Variants in MMP27 observed in about 807,000 individuals in gnomAD.
The protein encoded by MMP27 is matrix metalloproteinase-27.
Under a neutral mutation model 48.1 loss-of-function variants are expected in MMP27, and 51 were observed. The ratio of observed to expected loss-of-function variants is 1.06; its 90% confidence interval spans 0.85 to 1.34. The LOEUF (loss-of-function observed/expected upper bound fraction) is 1.34. MMP27 is among the 40% of genes most tolerant of loss of function. The probability of loss-of-function intolerance (pLI) is 0.00; values close to 1 mark genes in which losing one functional copy is unlikely to be tolerated. For synonymous variants in MMP27, 229 were observed against 208.9 expected (o/e 1.10, Z -0.83); for missense variants, 698 against 619.3 (o/e 1.13, Z -1.35).
In MMP27 at chr11:102,695,362, C is replaced by T. The variant is rs536952422; in HGVS notation, c.903-265G>A. 4.6e-5 allele frequency among the ~76,000 whole-genome samples: 7 copies of T among 152,260 alleles called. No individual in the cohort carries two copies. In the South Asian group the frequency reaches 8.3e-4, roughly 18 times the overall value. On this transcript the variant is annotated intron_variant, in intron 6 of 9. Transcript: ENST00000260229. ...GAAATCTTATTCTGAGTTCTGAGTG[C>T]TCAATGGTTTTGTTTTTGCCAAAGC...
At chr11:102,702,944 G>C in intron 3 of MMP27, 26 bp downstream of exon 3, 1 of 1,612,342 alleles carries the variant, frequency 6.2e-7, no homozygotes, top group Non-Finnish European at 8.5e-7. Flanking sequence ...GATAAAAATA[G>C]CTTTGCTCTC....
At chr11:102,702,643 T>A in intron 4 of MMP27, 110 bp downstream of exon 4, 1 of 1,264,620 alleles carries the variant, frequency 7.9e-7, no homozygotes, top group Non-Finnish European at 1.1e-6. Context: ...TATGGAAAAT[T>A]GTGGGGACAT....
intron 7 of MMP27, among the ~76,000 whole-genome samples, chr11:102,694,730 A>G (rs759188867): frequency 2.0e-5 from 3 of 152,066 alleles, no homozygotes; most frequent in Non-Finnish European, 4.4e-5. Flanking sequence ...AGAAAAAGAG[A>G]CTTTTTTAGT....
At position 102,693,890 on chromosome 11, in the gene MMP27, T is replaced by A; in HGVS notation, c.1193+16A>T. 1 of 1,562,830 alleles carries A rather than the reference T, an allele frequency of 6.4e-7. No homozygotes were observed. Among genetic ancestry groups the A allele is most frequent in the Non-Finnish European group, 8.6e-7 (1 of 1,157,520 alleles). On this transcript the variant is annotated intron_variant, in intron 8 of 9. Coordinates refer to ENST00000260229, the MANE Select transcript of MMP27 (RefSeq NM_022122.3). ...TCTCCATAATAAAACAAAGTGTCAA[T>A]TGTCTGTAAACTTACCTCCAGCACC...
Position 102,691,915 on chromosome 11 carries a change from A to C in MMP27, c.1393T>G (p.Cys465Gly), listed in dbSNP as rs768748088. 6.2e-7 allele frequency: 1 copy of C among 1,613,458 alleles called. No individual in the cohort carries two copies. The highest frequency in any genetic ancestry group is 8.5e-7 in the Non-Finnish European group (1 of 1,179,782). ...RIMRTNTWFQ[C>G]KEPKNSSFGF... ...AATGAGGAGTTCTTTGGTTCTTTGC[A>C]TTGAAACCAAGTATTAGTTCTCATG... is the stretch of plus-strand genomic sequence containing the variant. Residue 465 changes from cysteine (C) to glycine (G), a missense_variant, in exon 10 of 10, where the codon TGC (cysteine) becomes GGC (glycine). Cys to Gly is a radical substitution (Grantham distance 159). Coordinates refer to ENST00000260229, the MANE Select transcript of MMP27 (RefSeq NM_022122.3).
intron 2 of MMP27, 86 bp from the exon 3 acceptor site, chr11:102,703,204 T>C: frequency 7.8e-7 from 1 of 1,274,224 alleles, no homozygotes; most frequent in East Asian, 2.5e-5. Context: ...TTCTAGCTTA[T>C]CAATAATGTG....
chr11:102,691,716 G>T lies in MMP27; in HGVS notation c.*50C>A. On this transcript the variant is annotated 3_prime_UTR_variant, in exon 10 of 10. Transcript: ENST00000260229. ...AAGAATGGTTTTATTCTATTTTGAA[G>T]CAGAATTTATATTAAAAGACCTGTT... is the stretch of plus-strand genomic sequence containing the variant. The T allele has an allele frequency of 7.0e-7, 1 of 1,431,254 alleles. No individual in the cohort carries two copies. The allele number at this position is 1,431,254 out of a possible 1,614,324, so 88.7% of individuals were successfully genotyped here.
Position 102,691,875 on chromosome 11 carries a change from TTGA to T in MMP27, c.1430_1432del (p.Ile477del). On this transcript the variant is annotated inframe_deletion, in exon 10 of 10. Transcript: ENST00000260229. ...GCCTCCTGAATGTGCTTTTTCCTTG[TTGA>T]TATCAAAACCAAATGAGGAGTTCTT... The T allele has an allele frequency of 6.2e-7, 1 of 1,613,644 alleles. No individual in the cohort carries two copies. Among genetic ancestry groups the T allele is most frequent in the Non-Finnish European group, 8.5e-7 (1 of 1,179,778 alleles).
Position 102,691,780 on chromosome 11 carries a change from A to C in MMP27, c.1528T>G (p.Ser510Ala), listed in dbSNP as rs1374531869. Residue 510 changes from serine (S) to alanine (A), a missense_variant, in exon 10 of 10, where the codon TCT (serine) becomes GCT (alanine). Ser to Ala is a moderately conservative substitution (Grantham distance 99). Transcript: ENST00000260229. ...GGTCTATGAATTTATTGATAAATAG[A>C]AGTGTTTTTCAGCAAATGAACAATA... ...FGIVHLLKNTSIYQ is the reference protein window; with the variant it reads ...FGIVHLLKNTAIYQ 6.3e-7 allele frequency: 1 copy of C among 1,592,184 alleles called. No individual in the cohort carries two copies. Among genetic ancestry groups the C allele is most frequent in the African/African-American group, 1.3e-5 (1 of 74,246 alleles).
intron 8 of MMP27, among the ~76,000 whole-genome samples, chr11:102,693,509 G>A (rs1009401397): frequency 1.3e-5 from 2 of 152,212 alleles, no homozygotes; most frequent in South Asian, 2.1e-4. Context: ...TGGGCTGGGC[G>A]TGGCGACTCA....
At chr11:102,696,281 C>T in intron 6 of MMP27, 90 bp downstream of exon 6, 1 of 1,382,544 alleles carries the variant, frequency 7.2e-7, no homozygotes, top group Non-Finnish European at 1.0e-6. Context: ...CACACATTTT[C>T]ACTAGCCCCA....
At chr11:102,692,705 G>A (rs759282536) in intron 9 of MMP27, among the ~76,000 whole-genome samples, 1 of 152,304 alleles carries the variant, frequency 6.6e-6, no homozygotes, top group Middle Eastern at 3.4e-3. Flanking sequence ...TCAATGATGA[G>A]TAAAATGGAT....
intron 7 of MMP27, 56 bp downstream of exon 7, chr11:102,694,911 C>T: frequency 6.3e-7 from 1 of 1,598,294 alleles, no homozygotes; most frequent in African/African-American, 1.3e-5. Flanking sequence ...CCAAAATATC[C>T]ACTGGTTAGT....
intron 4 of MMP27, among the ~76,000 whole-genome samples, chr11:102,701,965 A>T (rs1860948393): frequency 6.6e-6 from 1 of 152,236 alleles, no homozygotes. Context: ...TGGAAGCTAG[A>T]CACCAGACCC....
At chr11:102,697,906 T>A (rs1860861129) in intron 4 of MMP27, among the ~76,000 whole-genome samples, 1 of 152,120 alleles carries the variant, frequency 6.6e-6, no homozygotes, top group Non-Finnish European at 1.5e-5. Context: ...TTGATCAGGG[T>A]CATCCGTATT....
chr11:102,692,009 T>A lies in MMP27; in HGVS notation c.1299A>T (p.Gly433=), dbSNP rs1291121329. ...TTGATCCACGGCTGAAAAAGAAGAATCCTAGAGACAGGGAATCAGGATTAG... is the reference window on the plus strand; with the variant it reads ...TTGATCCACGGCTGAAAAAGAAGAAACCTAGAGACAGGGAATCAGGATTAG... ...IRVDAAFQYK[G]FFFFSRGSKQ... Residue 433 remains glycine, a splice_region_variant and synonymous_variant, in exon 10 of 10, where the codon GGA becomes GGT. Coordinates refer to ENST00000260229, the MANE Select transcript of MMP27 (RefSeq NM_022122.3). The A allele has an allele frequency of 1.9e-6, 3 of 1,593,312 alleles. No homozygotes were observed. In the Admixed American group the frequency reaches 5.2e-5, roughly 28 times the overall value.
chr11:102,695,148 G>A (rs1565425938), intron 6 of MMP27, 51 bp from the exon 7 acceptor site: 1 of 1,582,364 alleles, frequency 6.3e-7, no homozygotes, highest in South Asian at 1.1e-5. Context: ...CCATGTCAAT[G>A]AGAATTTTGT....
rs137969926 is a variant in MMP27, at chr11:102,693,458, A to G, written c.1194-417T>C. ...CATTGAGATCTCTTTCGGCTTGATA[A>G]ATGTCATCCACTGCCTTCATTATTC... is the stretch of plus-strand genomic sequence containing the variant. On this transcript the variant is annotated intron_variant, in intron 8 of 9. Coordinates refer to ENST00000260229, the MANE Select transcript of MMP27 (RefSeq NM_022122.3). 3.6e-3 allele frequency among the ~76,000 whole-genome samples: 555 copies of G among 152,160 alleles called. 3 individuals are homozygous for G. The highest frequency in any genetic ancestry group is 0.013 in the African/African-American group (521 of 41,520).
At chr11:102,702,126 G>C (rs1310282690) in intron 4 of MMP27, among the ~76,000 whole-genome samples, 1 of 152,184 alleles carries the variant, frequency 6.6e-6, no homozygotes, top group African/African-American at 2.4e-5. Context: ...TTGAATGCCA[G>C]GCAGACCCAT....
Sources: gnomAD v4.1 joint callset for allele counts (sites outside exome capture counted in the v4.1 genomes callset) on GRCh38, gnomAD v4.1.1 for gene constraint, MANE v1.5 for transcripts, NCBI Gene and HGNC (gene_info 2026-07-23, HGNC 2026-07-21) for gene names.